APP: variants seen among roughly 807,000 people sequenced by gnomAD.
APP encodes amyloid-beta precursor protein.
Under a neutral mutation model 101.4 loss-of-function variants are expected in APP, and 31 were observed. The ratio of observed to expected loss-of-function variants is 0.31; its 90% confidence interval spans 0.23 to 0.41. The LOEUF (loss-of-function observed/expected upper bound fraction) is 0.41, where lower values mean the gene tolerates loss of function less well. APP is among the 10% of genes least tolerant of loss of function. APP has a pLI of 1.00. For synonymous variants in APP, 366 were observed against 364.4 expected, an observed-to-expected ratio of 1.00 and a Z score of -0.05; for missense variants, 839 against 1,003.7, an observed-to-expected ratio of 0.84 and a Z score of 2.22.
chr21:26,116,653 GCT>G (rs1262607138), intron 1 of APP, among the ~76,000 whole-genome samples: 1 of 152,138 alleles, frequency 6.6e-6, no homozygotes, highest in Admixed American at 6.5e-5. Flanking sequence ...TGAACAAGGA[GCT>G]CTCTGTTTTG....
chr21:26,149,669 A>C lies in APP; in HGVS notation c.57+20895T>G, dbSNP rs555942494. Among the ~76,000 whole-genome samples the C allele has an allele frequency of 2.6e-5, 4 of 152,326 alleles. 1 individual carries two copies. In the South Asian group the frequency reaches 8.3e-4, roughly 32 times the overall value. ...CAGAAGAAAAGATGAATTGCTGTATACTCTAAACGCTCTTTTAAATGTTTG... is the reference window on the plus strand; with the variant it reads ...CAGAAGAAAAGATGAATTGCTGTATCCTCTAAACGCTCTTTTAAATGTTTG... On this transcript the variant is annotated intron_variant, in intron 1 of 17. Transcript: ENST00000346798.
intron 5 of APP, among the ~76,000 whole-genome samples, chr21:26,026,038 T>C (rs1460808431): frequency 6.6e-6 from 1 of 152,276 alleles, no homozygotes; most frequent in Admixed American, 6.5e-5. Flanking sequence ...CTTCAAATGC[T>C]GGACAGACTG....
chr21:25,997,682 C>T (rs1747739429), intron 7 of APP, among the ~76,000 whole-genome samples: 1 of 152,170 alleles, frequency 6.6e-6, no homozygotes, highest in South Asian at 2.1e-4. Context: ...TTTCTTGCTC[C>T]TTTTGTGCCA....
chr21:25,939,388 T>C (rs181460225), intron 13 of APP, among the ~76,000 whole-genome samples: 1 of 152,384 alleles, frequency 6.6e-6, no homozygotes, highest in Admixed American at 6.5e-5. Flanking sequence ...GTTTCTTTAA[T>C]GGTTGCGATT....
At position 26,029,995 on chromosome 21, in the gene APP, A is replaced by C. The variant is rs114620100; in HGVS notation, c.663-7953T>G. Among the ~76,000 whole-genome samples, 646 of 152,344 alleles carry C rather than the reference A, an allele frequency of 4.2e-3. 1 individual carries two copies. Among genetic ancestry groups the C allele is most frequent in the African/African-American group, 0.015 (623 of 41,584 alleles). ...CTGAAACAAGCAAAGAGATCCGAGA[A>C]GCACTAAAGCCCAGCTTTTGTGTAA... On this transcript the variant is annotated intron_variant, in intron 5 of 17. Coordinates refer to ENST00000346798, the MANE Select transcript of APP (RefSeq NM_000484.4).
Position 25,997,383 on chromosome 21 carries a change from G to A in APP, c.1067C>T (p.Pro356Leu), listed in dbSNP as rs2043098304. ...SQSLLKTTQE[P>L]LARDPVKLPT... ...ACGTTTAACAGGATCTCGGGCAAGA[G>A]GTTCCTGGGTAGTCTTGAGTAAACT... Residue 356 changes from proline (P) to leucine (L), a missense_variant, in exon 8 of 18, where the codon CCT becomes CTT. Coordinates refer to ENST00000346798, the MANE Select transcript of APP (RefSeq NM_000484.4). 1.9e-6 allele frequency: 3 copies of A among 1,613,760 alleles called. No individual in the cohort carries two copies. The highest frequency in any genetic ancestry group is 1.7e-5 in the Admixed American group (1 of 59,988).
chr21:25,998,570 T>G (rs893761083), intron 7 of APP, among the ~76,000 whole-genome samples: 3 of 152,154 alleles, frequency 2.0e-5, no homozygotes, highest in Non-Finnish European at 2.9e-5. Context: ...GCCCTTCTGT[T>G]GTTTTGCTTA....
chr21:25,900,987 C>CAAAAAAAAAAAAAAAAAAAAAAAAA (rs71183520), intron 15 of APP, among the ~76,000 whole-genome samples: 6 of 118,574 alleles, frequency 5.1e-5, no homozygotes, highest in East Asian at 6.4e-4. Flanking sequence ...GACTCCATCT[C>CAAAAAAAAAAAAAAAAAAAAAAAAA]AAAAAAAAAA....
At chr21:25,932,444 C>T (rs1315237745) in intron 13 of APP, among the ~76,000 whole-genome samples, 16 of 152,124 alleles carry the variant, frequency 1.1e-4, no homozygotes, top group South Asian at 2.1e-4. Context: ...GCCACTCACT[C>T]GAGAATGGAT....
chr21:25,907,374 AAAG>A (rs2038848731), intron 14 of APP, among the ~76,000 whole-genome samples: 1 of 152,236 alleles, frequency 6.6e-6, no homozygotes, highest in Non-Finnish European at 1.5e-5. Flanking sequence ...TGCCGAAAAA[AAAG>A]AATACACACC....
At chr21:25,967,802 C>G (rs1385650380) in intron 11 of APP, among the ~76,000 whole-genome samples, 1 of 152,154 alleles carries the variant, frequency 6.6e-6, no homozygotes, top group Non-Finnish European at 1.5e-5. Flanking sequence ...AAGTAAAAAG[C>G]AGGAAGTGCA....
intron 3 of APP, among the ~76,000 whole-genome samples, chr21:26,061,174 T>C (rs542964290): frequency 2.6e-5 from 4 of 152,216 alleles, no homozygotes; most frequent in African/African-American, 7.2e-5. Flanking sequence ...AATAATCAAA[T>C]AGAAAGGAGT....
chr21:26,015,423 T>C (rs1325553637), intron 6 of APP, among the ~76,000 whole-genome samples: 1 of 152,192 alleles, frequency 6.6e-6, no homozygotes, highest in Non-Finnish European at 1.5e-5. Flanking sequence ...AAAGAAGCAA[T>C]GAGGATTCAA....
chr21:26,152,284 C>CAAAAAA (rs1161739630), intron 1 of APP, among the ~76,000 whole-genome samples: 9,255 of 35,948 alleles, frequency 0.26, 1,845 homozygotes, highest in African/African-American at 0.35. Flanking sequence ...GACTCCATCT[C>CAAAAAA]AAAAAAAAAA....
intron 8 of APP, 43 bp from the exon 9 acceptor site, chr21:25,982,520 C>T: frequency 1.2e-6 from 2 of 1,600,102 alleles, no homozygotes; most frequent in Non-Finnish European, 1.7e-6. Context: ...AAAAAGCCAA[C>T]AACAACAGAA....
At chr21:26,052,344 C>CA (rs148141882) in intron 4 of APP, among the ~76,000 whole-genome samples, 3,027 of 152,184 alleles carry the variant, frequency 0.02, 86 homozygotes, top group African/African-American at 0.07. Flanking sequence ...GCTGTAATAA[C>CA]AAAAAATGTC....
intron 3 of APP, among the ~76,000 whole-genome samples, chr21:26,066,014 C>T (rs1034182861): frequency 2.0e-5 from 3 of 152,138 alleles, no homozygotes; most frequent in African/African-American, 4.8e-5. Context: ...TTCTGGGACG[C>T]GCCTGAAAAC....
intron 6 of APP, among the ~76,000 whole-genome samples, chr21:26,008,385 T>C (rs2043631866): frequency 6.6e-6 from 1 of 152,218 alleles, no homozygotes; most frequent in African/African-American, 2.4e-5. Context: ...GCTGCGTGGT[T>C]AGCGTGCAAC....
At chr21:26,088,254 G>A (rs994213267) in intron 3 of APP, among the ~76,000 whole-genome samples, 2 of 152,086 alleles carry the variant, frequency 1.3e-5, no homozygotes, top group Non-Finnish European at 2.9e-5. Flanking sequence ...ACTGGCACTA[G>A]GTAGTAAATA....
Sources: gnomAD v4.1 joint callset for allele counts (sites outside exome capture counted in the v4.1 genomes callset) on GRCh38, gnomAD v4.1.1 for gene constraint, MANE v1.5 for transcripts, NCBI Gene and HGNC (gene_info 2026-07-23, HGNC 2026-07-21) for gene names.